Variants in TFDP2 observed in about 807,000 individuals in gnomAD.
TFDP2 encodes the protein transcription factor Dp-2.
In TFDP2, 17 loss-of-function variants were observed where a neutral mutation model predicts 59.3. The observed-to-expected ratio is 0.29, with a 90% CI of 0.20 to 0.43. The LOEUF (loss-of-function observed/expected upper bound fraction) is 0.43. TFDP2 is among the 20% of genes least tolerant of loss of function. The pLI, the probability that TFDP2 is intolerant of heterozygous loss-of-function variation, is 1.00. For missense variants in TFDP2, 391 were observed against 528.8 expected (o/e 0.74, Z 2.56); for synonymous variants, 180 against 194.7 (o/e 0.92, Z 0.63).
intron 3 of TFDP2, among the ~76,000 whole-genome samples, chr3:142,054,856 C>T (rs190309004): frequency 9.3e-4 from 141 of 152,196 alleles, no homozygotes; most frequent in African/African-American, 3.2e-3. Flanking sequence ...GTGTTAGGGA[C>T]ATAAGAGATG....
intron 7 of TFDP2, among the ~76,000 whole-genome samples, chr3:141,976,782 C>CT (rs1032790259): frequency 2.0e-5 from 3 of 149,472 alleles, no homozygotes; most frequent in Non-Finnish European, 4.4e-5. Flanking sequence ...ATGCTATAGA[C>CT]TTTTTTTTTC....
At chr3:141,969,566 C>T (rs1458304881) in intron 9 of TFDP2, among the ~76,000 whole-genome samples, 2 of 151,796 alleles carry the variant, frequency 1.3e-5, no homozygotes, top group East Asian at 1.9e-4. Context: ...GAGCCAAGAT[C>T]GCACCACTGC....
chr3:142,000,103 G>A (rs992535146), intron 4 of TFDP2: 1 of 467,828 alleles, frequency 2.1e-6, no homozygotes. Flanking sequence ...TAGAGGAGAA[G>A]CGATAAATGG....
At chr3:142,062,974 A>G (rs917395610) in intron 3 of TFDP2, among the ~76,000 whole-genome samples, 3 of 152,218 alleles carry the variant, frequency 2.0e-5, no homozygotes, top group Admixed American at 6.5e-5. Flanking sequence ...GTTATCCTTG[A>G]AATAGAGCAC....
chr3:142,040,312 G>T (rs1231915337), intron 3 of TFDP2, among the ~76,000 whole-genome samples: 1 of 152,184 alleles, frequency 6.6e-6, no homozygotes, highest in Non-Finnish European at 1.5e-5. Flanking sequence ...AATATTCTAT[G>T]GTAGGCGCAG....
rs992178492 is a variant in TFDP2 at position 141,999,884 on chromosome 3, T to C, written c.187-4743A>G. 3.8e-4 allele frequency among the ~76,000 whole-genome samples: 58 copies of C among 152,134 alleles called. No individual in the cohort carries two copies. In the Middle Eastern group the frequency reaches 0.017, roughly 45 times the overall value. ...CTGAGTAGCTGGGACTACAGGCGCC[T>C]GCCACCACGCCCGGCTAATTTTTTG... On this transcript the variant is annotated intron_variant, in intron 4 of 12. Transcript: ENST00000489671.
chr3:142,109,288 T>A (rs1040005301), intron 1 of TFDP2, among the ~76,000 whole-genome samples: 1 of 152,146 alleles, frequency 6.6e-6, no homozygotes, highest in Non-Finnish European at 1.5e-5. Flanking sequence ...TGAAAGGCCA[T>A]GCAGACATTT....
intron 3 of TFDP2, among the ~76,000 whole-genome samples, chr3:142,036,783 T>C (rs1199626951): frequency 6.6e-6 from 1 of 152,224 alleles, no homozygotes; most frequent in Non-Finnish European, 1.5e-5. Context: ...TTCTAACTAG[T>C]AACATTCCAT....
At chr3:141,974,907 CTTTTTTTTT>C (rs753702830) in intron 7 of TFDP2, among the ~76,000 whole-genome samples, 4 of 90,500 alleles carry the variant, frequency 4.4e-5, no homozygotes, top group South Asian at 4.2e-4. Context: ...TCTTCTTCTT[CTTTTTTTTT>C]TTTTTTTTTT....
At chr3:142,069,610 C>CA (rs1553795685) in intron 3 of TFDP2, among the ~76,000 whole-genome samples, 1 of 143,584 alleles carries the variant, frequency 7.0e-6, no homozygotes, top group East Asian at 2.0e-4. Context: ...TTTTCCTTTC[C>CA]TTTTTTTTTT....
At chr3:142,002,214 C>T (rs111822220) in intron 4 of TFDP2, among the ~76,000 whole-genome samples, 10,618 of 151,870 alleles carry the variant, frequency 0.07, 471 homozygotes, top group Non-Finnish European at 0.11. Context: ...AGGCTGTTCT[C>T]GAACTCCTGA....
At chr3:142,062,401 A>G (rs1035849837) in intron 3 of TFDP2, among the ~76,000 whole-genome samples, 7 of 144,006 alleles carry the variant, frequency 4.9e-5, no homozygotes, top group Non-Finnish European at 1.1e-4. Context: ...TATAATATAT[A>G]TGTGTGTGTG....
chr3:141,974,217 G>A, intron 7 of TFDP2, 26 bp from the exon 8 acceptor site: 1 of 1,577,878 alleles, frequency 6.3e-7, no homozygotes, highest in Non-Finnish European at 8.6e-7. Flanking sequence ...TTCACTGAGT[G>A]ATAAATCTTA....
chr3:142,100,620 A>G (rs1370962540), intron 2 of TFDP2, among the ~76,000 whole-genome samples: 99 of 151,928 alleles, frequency 6.5e-4, no homozygotes, highest in Non-Finnish European at 1.2e-3. Flanking sequence ...TGATCTGCCC[A>G]CCTTGGCCTC....
intron 3 of TFDP2, among the ~76,000 whole-genome samples, chr3:142,026,021 A>C (rs779510073): frequency 5.3e-5 from 8 of 152,200 alleles, no homozygotes; most frequent in Non-Finnish European, 8.8e-5. Context: ...TGAAGAAAAG[A>C]AAATCTTCTG....
intron 10 of TFDP2, among the ~76,000 whole-genome samples, chr3:141,960,385 T>C (rs766147813): frequency 6.6e-6 from 1 of 152,178 alleles, no homozygotes; most frequent in Non-Finnish European, 1.5e-5. Flanking sequence ...AAATGTCACA[T>C]GTAATACAAG....
chr3:142,144,279 C>T (rs2063077810), intron 1 of TFDP2, among the ~76,000 whole-genome samples: 1 of 151,450 alleles, frequency 6.6e-6, no homozygotes, highest in Non-Finnish European at 1.5e-5. Flanking sequence ...GAGGTTGAGG[C>T]ACAAGAATCA....
At chr3:142,003,938 C>T (rs1166585960) in intron 4 of TFDP2, among the ~76,000 whole-genome samples, 1 of 152,176 alleles carries the variant, frequency 6.6e-6, no homozygotes, top group African/African-American at 2.4e-5. Context: ...AGAAAATAAT[C>T]TCTCAAAACA....
intron 11 of TFDP2, among the ~76,000 whole-genome samples, chr3:141,956,446 G>A (rs1235236044): frequency 6.6e-6 from 1 of 152,022 alleles, no homozygotes; most frequent in East Asian, 1.9e-4. Context: ...CAGCTACTTG[G>A]GAGGCTGAGA....
Sources: allele counts gnomAD v4.1 joint callset (sites outside exome capture counted in the v4.1 genomes callset), GRCh38; gene constraint gnomAD v4.1.1; transcripts MANE v1.5; gene names NCBI Gene and HGNC (gene_info 2026-07-23, HGNC 2026-07-21).